Variants in CLASP2 observed in about 807,000 individuals in gnomAD.
The protein encoded by CLASP2 is cytoplasmic linker associated protein 2.
In CLASP2, 47 loss-of-function variants were observed where a neutral mutation model predicts 194.4. That is an observed-to-expected ratio of 0.24 (90% CI 0.19 to 0.31). CLASP2 has a LOEUF of 0.31. Ranked by LOEUF, CLASP2 falls within the 10% of genes least tolerant of loss-of-function variation. The pLI, the probability that CLASP2 is intolerant of heterozygous loss-of-function variation, is 1.00. For synonymous variants in CLASP2, 619 were observed against 633.5 expected (o/e 0.98, Z 0.34); for missense variants, 1,445 against 1,823.6 (o/e 0.79, Z 3.78).
At chr3:33,679,760 G>A (rs1055220584) in intron 6 of CLASP2, among the ~76,000 whole-genome samples, 3 of 152,184 alleles carry the variant, frequency 2.0e-5, no homozygotes, top group Non-Finnish European at 2.9e-5. Flanking sequence ...TGAAGCAATA[G>A]GAACTCTCCT....
Position 33,576,218 on chromosome 3 carries a change from C to T in CLASP2, c.2405G>A (p.Arg802Gln), listed in dbSNP as rs781141777. 3.2e-5 allele frequency: 52 copies of T among 1,613,718 alleles called. No homozygotes were observed. The highest frequency in any genetic ancestry group is 4.2e-5 in the Non-Finnish European group (50 of 1,179,796). ...CACATCAGAACCTGTGTTCAGGACT[C>T]GCATGGCACTAACAGAAGACGACAG... ...SRLSSSVSAM[R>Q]VLNTGSDVEE... is the part of the protein sequence containing the mutation. Residue 802 changes from arginine (R) to glutamine (Q), a missense_variant, in exon 24 of 39, where the codon CGA becomes CAA. This residue lies in a region of CLASP2 where 732 missense variants were observed against 987.9 expected (regional missense o/e 0.74). Transcript: ENST00000682230.
intron 18 of CLASP2, among the ~76,000 whole-genome samples, chr3:33,597,118 T>C (rs1263762997): frequency 6.6e-6 from 1 of 152,080 alleles, no homozygotes; most frequent in Non-Finnish European, 1.5e-5. Context: ...ACCCCCAAAT[T>C]CCACACTTAG....
In CLASP2 at chr3:33,658,953, A is replaced by G. The variant is rs1308042176; in HGVS notation, c.715+4492T>C. ...GGAAGTGTATAACACAAGCAAAAGA[A>G]GAAAAATAAATCTTACTCACCATCT... On this transcript the variant is annotated intron_variant, in intron 7 of 38. Transcript: ENST00000682230. 4.6e-6 allele frequency: 7 copies of G among 1,529,222 alleles called. No homozygotes were observed. The Admixed American group carries it at 1.4e-4, about 30-fold the overall frequency. 94.7% of individuals were successfully genotyped at this position (1,529,222 alleles called of 1,614,324 possible).
At chr3:33,631,322 T>C (rs2079042286) in intron 9 of CLASP2, among the ~76,000 whole-genome samples, 1 of 152,192 alleles carries the variant, frequency 6.6e-6, no homozygotes, top group South Asian at 2.1e-4. Context: ...AACTTAAAGA[T>C]TATAACTATG....
At chr3:33,717,446 A>G (rs1370835533) in intron 1 of CLASP2, among the ~76,000 whole-genome samples, 1 of 151,752 alleles carries the variant, frequency 6.6e-6, no homozygotes. Flanking sequence ...ACTTTTTTTG[A>G]GACAGAGTCT....
chr3:33,530,573 C>T (rs948313551), intron 34 of CLASP2, among the ~76,000 whole-genome samples: 1 of 152,136 alleles, frequency 6.6e-6, no homozygotes, highest in African/African-American at 2.4e-5. Flanking sequence ...TATTTTTATA[C>T]AGTTGGCAGT....
At chr3:33,543,385 T>C (rs1576194934) in intron 32 of CLASP2, 48 bp downstream of exon 32, 4 of 1,257,430 alleles carry the variant, frequency 3.2e-6, no homozygotes, top group Non-Finnish European at 4.7e-6. Flanking sequence ...AAAGAAAGAA[T>C]GGGAATTTAC....
rs751344715 is a variant in CLASP2, at chr3:33,688,322, C to T, written c.425G>A (p.Arg142Gln). ...ACACAGACACACGCCTTCTCGAGAT[C>T]GAAAATTCTTGTGTTTAAAACCAGA... ...LASGFKHKNF[R>Q]SREGVCLCLI... The change falls in exon 4 of 39, where the codon CGA becomes CAA. Residue 142 changes from arginine (R) to glutamine (Q), a missense_variant. Transcript: ENST00000682230. 1.1e-5 allele frequency: 18 copies of T among 1,592,986 alleles called. No homozygotes were observed. In the South Asian group the frequency reaches 1.6e-4, roughly 14 times the overall value.
At position 33,663,609 on chromosome 3, in the gene CLASP2, A is replaced by G. The variant is rs988771119; in HGVS notation, c.645-94T>C. 5 of 815,630 alleles carry G rather than the reference A, an allele frequency of 6.1e-6. No homozygotes were observed. In the African/African-American group the frequency reaches 6.9e-5, roughly 11 times the overall value. 50.5% of individuals were successfully genotyped at this position (815,630 alleles called of 1,614,324 possible). A position where few individuals can be genotyped will look rare whatever the true frequency, so the allele number is the denominator to read the frequency against. On this transcript the variant is annotated intron_variant, in intron 6 of 38. Coordinates refer to ENST00000682230, the MANE Select transcript of CLASP2 (RefSeq NM_001365631.1). Reference sequence around the variant, plus strand: ...CTTCACCATTCCCTTAGAAAAAACAATTGTAGGGATTCAGCTAGTTTTCTA... The same window carrying G: ...CTTCACCATTCCCTTAGAAAAAACAGTTGTAGGGATTCAGCTAGTTTTCTA...
rs2059317516 is a variant in CLASP2, at chr3:33,547,388, CTGAGCCACATGAAACTGTAAGTT to C, written c.3154-2570_3154-2548del. Among the ~76,000 whole-genome samples the C allele has an allele frequency of 2.0e-5, 3 of 152,214 alleles. No homozygotes were observed. In the South Asian group the frequency reaches 6.2e-4, roughly 32 times the overall value. ...ACTTCTGCCATGATTGTGAGGCTTC[CTGAGCCACATGAAACTGTAAGTT>C]CAATTAAACCTTTATTTTGTAAATT... On this transcript the variant is annotated intron_variant, in intron 30 of 38. Coordinates refer to ENST00000682230, the MANE Select transcript of CLASP2 (RefSeq NM_001365631.1).
intron 34 of CLASP2, among the ~76,000 whole-genome samples, chr3:33,534,908 C>A (rs116062238): frequency 2.6e-5 from 4 of 152,126 alleles, no homozygotes; most frequent in African/African-American, 7.2e-5. Context: ...GTTTTGTCAT[C>A]GTGGTATAAA....
At chr3:33,708,072 T>G (rs2092777453) in intron 1 of CLASP2, among the ~76,000 whole-genome samples, 1 of 152,162 alleles carries the variant, frequency 6.6e-6, no homozygotes, top group Admixed American at 6.6e-5. Context: ...CCATCTGTTT[T>G]GTGGTGAGAA....
At chr3:33,626,172 A>G (rs1559439074) in intron 10 of CLASP2, among the ~76,000 whole-genome samples, 2 of 152,080 alleles carry the variant, frequency 1.3e-5, no homozygotes, top group African/African-American at 4.8e-5. Flanking sequence ...AAAGACAAAA[A>G]TGGTCCTTTG....
chr3:33,607,272 C>A, intron 15 of CLASP2, 112 bp downstream of exon 15: 1 of 657,080 alleles, frequency 1.5e-6, no homozygotes. Context: ...CTTAATTTTA[C>A]TGGAGGGCTA....
chr3:33,621,685 T>C (rs1018717843), intron 11 of CLASP2, among the ~76,000 whole-genome samples: 2 of 152,184 alleles, frequency 1.3e-5, no homozygotes, highest in African/African-American at 4.8e-5. Flanking sequence ...TAGTAATAAA[T>C]AGAAGTTCTA....
At chr3:33,656,958 A>T (rs188759943) in intron 7 of CLASP2, among the ~76,000 whole-genome samples, 23 of 152,296 alleles carry the variant, frequency 1.5e-4, no homozygotes, top group African/African-American at 5.3e-4. Flanking sequence ...GCACAGTAAC[A>T]GGTAGAAAAA....
chr3:33,654,785 C>T (rs1176317579), intron 7 of CLASP2, among the ~76,000 whole-genome samples: 1 of 152,102 alleles, frequency 6.6e-6, no homozygotes, highest in Non-Finnish European at 1.5e-5. Context: ...CTCAGCAGCA[C>T]AACCTTAGTT....
chr3:33,554,369 C>T (rs1308920168), intron 29 of CLASP2, among the ~76,000 whole-genome samples: 1 of 152,012 alleles, frequency 6.6e-6, no homozygotes, highest in Non-Finnish European at 1.5e-5. Flanking sequence ...CGAAGATGAA[C>T]CTGGAGGACA....
chr3:33,651,082 A>G (rs2083107992), intron 7 of CLASP2, among the ~76,000 whole-genome samples: 1 of 152,194 alleles, frequency 6.6e-6, no homozygotes, highest in Admixed American at 6.5e-5. Context: ...GAATTCACAT[A>G]CATTTATGGC....
Sources: allele counts gnomAD v4.1 joint callset (sites outside exome capture counted in the v4.1 genomes callset), GRCh38; gene constraint gnomAD v4.1.1; regional missense constraint gnomAD v4.1.1; transcripts MANE v1.5; gene names NCBI Gene and HGNC (gene_info 2026-07-23, HGNC 2026-07-21).